CHRM5: variants seen among roughly 807,000 people sequenced by gnomAD.
CHRM5 encodes the protein cholinergic receptor muscarinic 5.
CHRM5 carries 18 observed loss-of-function variants against 39.0 expected under a neutral mutation model. The observed-to-expected ratio is 0.46, with a 90% CI of 0.32 to 0.68. The LOEUF (loss-of-function observed/expected upper bound fraction) is 0.68, where lower values mean the gene tolerates loss of function less well. Among genes scored for constraint, CHRM5 ranks in the 30% least tolerant of loss-of-function variants. The probability of loss-of-function intolerance (pLI) is 0.04; values close to 1 mark genes in which losing one functional copy is unlikely to be tolerated. For missense variants in CHRM5, 515 were observed against 651.1 expected (o/e 0.79, Z 2.28); for synonymous variants, 241 against 246.3 (o/e 0.98, Z 0.20).
chr15:34,018,682 G>A (rs759159527), intron 1 of CHRM5, among the ~76,000 whole-genome samples: 4 of 152,200 alleles, frequency 2.6e-5, no homozygotes, highest in Non-Finnish European at 4.4e-5. Context: ...ACTCCAGTGG[G>A]TTGCTGCTGC....
At position 34,062,918 on chromosome 15, in the gene CHRM5, T is replaced by C; in HGVS notation, c.201T>C (p.Tyr67=). The change falls in exon 3 of 3, where the codon TAT becomes TAC. Residue 67 remains tyrosine (Y), a synonymous_variant. Transcript: ENST00000383263. ...GCCAGCTCAAGACAGTTAACAACTA[T>C]TACCTGCTCAGCTTAGCCTGTGCAG... ...VNSQLKTVNN[Y]YLLSLACADL... The C allele has an allele frequency of 6.2e-7, 1 of 1,614,218 alleles. No individual in the cohort carries two copies. The highest frequency in any genetic ancestry group is 8.5e-7 in the Non-Finnish European group (1 of 1,180,034).
At chr15:34,032,549 T>C (rs571376647) in intron 1 of CHRM5, among the ~76,000 whole-genome samples, 21 of 152,332 alleles carry the variant, frequency 1.4e-4, no homozygotes, top group African/African-American at 5.1e-4. Context: ...AATGAATTCA[T>C]GCAATGAACC....
intron 1 of CHRM5, among the ~76,000 whole-genome samples, chr15:34,029,808 A>G (rs994545183): frequency 6.6e-6 from 1 of 152,224 alleles, no homozygotes; most frequent in Non-Finnish European, 1.5e-5. Flanking sequence ...TAATAATATA[A>G]GACTAATCTT....
intron 1 of CHRM5, among the ~76,000 whole-genome samples, chr15:34,041,265 C>A (rs548861074): frequency 6.6e-6 from 1 of 152,220 alleles, no homozygotes; most frequent in East Asian, 1.9e-4. Context: ...GAGGCAATCA[C>A]CCTGGATGAG....
chr15:34,011,656 G>A (rs1044474430), intron 1 of CHRM5, among the ~76,000 whole-genome samples: 1 of 152,104 alleles, frequency 6.6e-6, no homozygotes, highest in African/African-American at 2.4e-5. Context: ...CCAAGAAAAT[G>A]GGAACTCAAC....
intron 1 of CHRM5, among the ~76,000 whole-genome samples, chr15:34,030,574 C>T (rs995559136): frequency 2.0e-5 from 3 of 151,974 alleles, no homozygotes; most frequent in African/African-American, 7.3e-5. Flanking sequence ...GTGATCCACC[C>T]GCCTCAGCCT....
At chr15:34,033,689 T>A (rs1898970827) in intron 1 of CHRM5, among the ~76,000 whole-genome samples, 1 of 152,172 alleles carries the variant, frequency 6.6e-6, no homozygotes, top group Non-Finnish European at 1.5e-5. Context: ...TGAAATATAT[T>A]CTGTTGAATA....
chr15:33,981,144 A>T (rs13379557), intron 1 of CHRM5, among the ~76,000 whole-genome samples: 17,795 of 152,212 alleles, frequency 0.12, 1,879 homozygotes, highest in African/African-American at 0.27. Context: ...GAGAGAAAAT[A>T]TCTGAATTAA....
At chr15:34,050,835 A>G (rs960939870) in intron 2 of CHRM5, among the ~76,000 whole-genome samples, 5 of 152,230 alleles carry the variant, frequency 3.3e-5, no homozygotes, top group Non-Finnish European at 5.9e-5. Context: ...ATACAGGAGC[A>G]CCCAGATTCA....
intron 1 of CHRM5, among the ~76,000 whole-genome samples, chr15:34,024,621 G>A (rs974130374): frequency 9.2e-5 from 14 of 151,804 alleles, no homozygotes; most frequent in African/African-American, 3.4e-4. Context: ...GGGAGGCCGA[G>A]GCGGGCGGAT....
chr15:34,038,271 C>T (rs549126183), intron 1 of CHRM5, among the ~76,000 whole-genome samples: 1 of 152,326 alleles, frequency 6.6e-6, no homozygotes, highest in South Asian at 2.1e-4. Context: ...CATTCTTTCA[C>T]TCAACAAACT....
rs1024464353 is a variant in CHRM5, at chr15:34,046,650, A to G, written c.-297A>G. 6.6e-6 allele frequency: 1 copy of G among 152,290 alleles called. No individual in the cohort carries two copies. Among genetic ancestry groups the G allele is most frequent in the African/African-American group, 2.4e-5 (1 of 41,476 alleles). 9.4% of individuals were successfully genotyped at this position (152,290 alleles called of 1,614,324 possible). The stretch of plus-strand genomic sequence containing the variant: ...AATGTGCAATTGTGAAATATGGCCA[A>G]GATGGCGGATTAGAAGCAGCGGCAG... On this transcript the variant is annotated 5_prime_UTR_variant, in exon 2 of 3. Transcript: ENST00000383263.
chr15:34,017,281 A>C (rs1476063733), intron 1 of CHRM5, among the ~76,000 whole-genome samples: 3 of 152,120 alleles, frequency 2.0e-5, no homozygotes, highest in East Asian at 1.9e-4. Flanking sequence ...AGCAAAGCAA[A>C]CACCACCACC....
At chr15:34,026,111 TAA>T (rs1204332824) in intron 1 of CHRM5, among the ~76,000 whole-genome samples, 7 of 152,250 alleles carry the variant, frequency 4.6e-5, no homozygotes, top group South Asian at 2.1e-4. Context: ...AAACACAGAT[TAA>T]GTTTGATATT....
intron 2 of CHRM5, 49 bp from the exon 3 acceptor site, chr15:34,062,594 A>G: frequency 1.2e-6 from 1 of 823,708 alleles, no homozygotes; most frequent in South Asian, 1.8e-5. Flanking sequence ...ATGGATGGAC[A>G]AGAAAATCAT....
intron 1 of CHRM5, 45 bp downstream of exon 1, chr15:33,969,195 A>T (rs773103852): frequency 2.6e-5 from 4 of 152,092 alleles, no homozygotes; most frequent in Non-Finnish European, 5.9e-5. Flanking sequence ...TGTCTACTGA[A>T]ATTAAATCTG....
intron 1 of CHRM5, among the ~76,000 whole-genome samples, chr15:34,037,782 A>G (rs575834220): frequency 6.6e-6 from 1 of 152,216 alleles, no homozygotes; most frequent in East Asian, 1.9e-4. Context: ...CCAGCTCTGT[A>G]TTGCTGTATA....
chr15:34,016,852 C>A (rs1174664669), intron 1 of CHRM5, among the ~76,000 whole-genome samples: 1 of 152,120 alleles, frequency 6.6e-6, no homozygotes, highest in African/African-American at 2.4e-5. Context: ...CCAACACCCA[C>A]GTGTGGTGGC....
intron 1 of CHRM5, among the ~76,000 whole-genome samples, chr15:33,986,809 A>G (rs1238864164): frequency 6.6e-6 from 1 of 151,430 alleles, no homozygotes; most frequent in African/African-American, 2.4e-5. Flanking sequence ...GGCACGTGCC[A>G]CCATGCCCAG....
Sources: allele counts gnomAD v4.1 joint callset (sites outside exome capture counted in the v4.1 genomes callset), GRCh38; gene constraint gnomAD v4.1.1; transcripts MANE v1.5; gene names NCBI Gene and HGNC (gene_info 2026-07-23, HGNC 2026-07-21).